The following PRELID2 variants were observed in gnomAD, a reference collection of about 807,000 sequenced individuals.
PRELID2 encodes the protein PRELI domain containing 2.
PRELID2 carries 25 observed loss-of-function variants against 28.4 expected under a neutral mutation model. The ratio of observed to expected loss-of-function variants is 0.88; its 90% CI spans 0.64 to 1.23. The LOEUF (loss-of-function observed/expected upper bound fraction) is 1.23, where lower values mean the gene tolerates loss of function less well. PRELID2 is among the 50% of genes most tolerant of loss of function. The probability of loss-of-function intolerance (pLI) is 0.00; values close to 1 mark genes in which losing one functional copy is unlikely to be tolerated. For synonymous variants in PRELID2, 76 were observed against 71.6 expected (o/e 1.06, Z -0.31); for missense variants, 201 against 214.4 (o/e 0.94, Z 0.39).
At chr5:145,386,916 A>G in the PRELID2 span, among the ~76,000 whole-genome samples, 3 of 152,206 alleles carry the variant, frequency 2.0e-5, no homozygotes, top group South Asian at 2.1e-4. Flanking sequence ...GAGCAGCCCA[A>G]ATAAAATTGA....
the PRELID2 span, among the ~76,000 whole-genome samples, chr5:145,439,107 C>T: frequency 6.6e-6 from 1 of 152,142 alleles, no homozygotes; most frequent in Admixed American, 6.6e-5. Flanking sequence ...TTCTGCACTG[C>T]TGCTCTGTAA....
rs78500239 is a variant in PRELID2, at chr5:145,607,839, G to C, written n.71-134524C>G. On this transcript the variant is annotated intron_variant and non_coding_transcript_variant, in intron 1 of 2. Coordinates refer to the PRELID2 transcript ENST00000510259. Reference sequence around the variant, plus strand: ...GATGATTTGTCTAATACTGTCAGTGGGGTATTGAAGTCCCCCATTATTATT... The same window carrying C: ...GATGATTTGTCTAATACTGTCAGTGCGGTATTGAAGTCCCCCATTATTATT... 1.4e-4 allele frequency among the ~76,000 whole-genome samples: 22 copies of C among 152,232 alleles called. No homozygotes were observed. The East Asian group carries it at 4.1e-3, about 28-fold the overall frequency.
intron 1 of PRELID2, among the ~76,000 whole-genome samples, chr5:145,568,151 A>G (rs1400253495): frequency 6.6e-6 from 1 of 152,174 alleles, no homozygotes; most frequent in Non-Finnish European, 1.5e-5. Context: ...GCATGCTTAG[A>G]TACTTCTCCT....
At chr5:145,621,490 C>G (rs1012799930) in intron 1 of PRELID2, among the ~76,000 whole-genome samples, 1 of 152,132 alleles carries the variant, frequency 6.6e-6, no homozygotes, top group Non-Finnish European at 1.5e-5. Context: ...AAAAAGTAGA[C>G]ACAACCCCAA....
the PRELID2 span, among the ~76,000 whole-genome samples, chr5:145,253,081 T>A: frequency 1.3e-5 from 2 of 152,226 alleles, no homozygotes; most frequent in African/African-American, 4.8e-5. Context: ...TGCACTAAAT[T>A]TCTTCTGGAT....
chr5:145,742,233 AAATAT>A (rs1193529242), intron 1 of PRELID2, among the ~76,000 whole-genome samples: 1 of 140,770 alleles, frequency 7.1e-6, no homozygotes, highest in Non-Finnish European at 1.5e-5. Flanking sequence ...TATATAAATA[AAATAT>A]ATTTTTATAT....
At chr5:145,702,612 G>T (rs1385719261) in intron 1 of PRELID2, among the ~76,000 whole-genome samples, 4 of 152,070 alleles carry the variant, frequency 2.6e-5, no homozygotes, top group African/African-American at 7.2e-5. Context: ...ATGACATTCG[G>T]GTCTTCTGTT....
intron 1 of PRELID2, among the ~76,000 whole-genome samples, chr5:145,485,236 A>G (rs954027153): frequency 6.6e-6 from 1 of 152,230 alleles, no homozygotes; most frequent in East Asian, 1.9e-4. Context: ...GATTGACAAA[A>G]TAAGTGTCAG....
At chr5:145,731,885 T>C (rs1170747044) in intron 1 of PRELID2, among the ~76,000 whole-genome samples, 1 of 152,164 alleles carries the variant, frequency 6.6e-6, no homozygotes, top group Non-Finnish European at 1.5e-5. Flanking sequence ...AGCCTCTGAA[T>C]TATCTCCTAG....
intron 1 of PRELID2, among the ~76,000 whole-genome samples, chr5:145,646,937 G>A (rs534633040): frequency 6.6e-6 from 1 of 152,148 alleles, no homozygotes; most frequent in Non-Finnish European, 1.5e-5. Flanking sequence ...GAGCTCTCCT[G>A]TATGAGGTGT....
chr5:145,743,412 A>T (rs1240373228), intron 1 of PRELID2, among the ~76,000 whole-genome samples: 1 of 6,732 alleles, frequency 1.5e-4, no homozygotes, highest in African/African-American at 5.0e-4. Flanking sequence ...ACTCTGCGGC[A>T]AAAAAAAAAA....
chr5:145,440,702 T>A, the PRELID2 span: 1 of 152,098 alleles, frequency 6.6e-6, no homozygotes, highest in South Asian at 2.1e-4. Context: ...AACACTCTAT[T>A]CTTAGAGATG....
chr5:145,624,266 T>A (rs1753814830), intron 1 of PRELID2, among the ~76,000 whole-genome samples: 1 of 152,174 alleles, frequency 6.6e-6, no homozygotes, highest in Non-Finnish European at 1.5e-5. Context: ...TTTGATTATA[T>A]AAGTATGATT....
intron 6 of PRELID2, among the ~76,000 whole-genome samples, chr5:145,760,948 T>G (rs1366023701): frequency 6.6e-6 from 1 of 152,328 alleles, no homozygotes; most frequent in Middle Eastern, 3.4e-3. Context: ...AGCATATTGG[T>G]TAGTGAGATT....
At chr5:145,356,700 T>G in the PRELID2 span, among the ~76,000 whole-genome samples, 1 of 152,272 alleles carries the variant, frequency 6.6e-6, no homozygotes, top group South Asian at 2.1e-4. Context: ...CAGCATACAG[T>G]TGTGTCTTGC....
intron 1 of PRELID2, among the ~76,000 whole-genome samples, chr5:145,693,996 C>G (rs1755204938): frequency 6.6e-6 from 1 of 152,126 alleles, no homozygotes; most frequent in African/African-American, 2.4e-5. Context: ...TGGTTCAAAT[C>G]CCAGTCCTAT....
At chr5:145,756,303 G>C (rs1164449954), downstream of PRELID2, among the ~76,000 whole-genome samples, 1 of 152,210 alleles carries the variant, frequency 6.6e-6, no homozygotes. Flanking sequence ...GCTTGGCTGA[G>C]AGATGGGATA....
the PRELID2 span, among the ~76,000 whole-genome samples, chr5:145,335,200 C>A: frequency 3.3e-5 from 5 of 151,780 alleles, no homozygotes; most frequent in African/African-American, 1.2e-4. Context: ...TTTCAAATGA[C>A]CTATTTTTGA....
the PRELID2 span, among the ~76,000 whole-genome samples, chr5:145,330,599 T>C: frequency 6.6e-6 from 1 of 152,348 alleles, no homozygotes; most frequent in Non-Finnish European, 1.5e-5. Flanking sequence ...AGTTTGTATT[T>C]CAGTGAAATC....
Sources: allele counts gnomAD v4.1 joint callset (sites outside exome capture counted in the v4.1 genomes callset), GRCh38; gene constraint gnomAD v4.1.1; transcripts MANE v1.5; gene names NCBI Gene and HGNC (gene_info 2026-07-23, HGNC 2026-07-21).